Variants in RLF observed in about 807,000 individuals in gnomAD.
The protein encoded by RLF is RLF zinc finger, also known as zinc finger protein Rlf.
Under a neutral mutation model 162.9 loss-of-function variants are expected in RLF, and 7 were observed. That is an observed-to-expected ratio of 0.04 (90% confidence interval 0.02 to 0.08). The LOEUF is 0.08. RLF is among the 10% of genes least tolerant of loss of function. The pLI, the probability that RLF is intolerant of heterozygous loss-of-function variation, is 1.00. For missense variants in RLF, 1,664 were observed against 2,244.7 expected (o/e 0.74, Z 5.23); for synonymous variants, 782 against 791.5 (o/e 0.99, Z 0.20).
chr1:40,218,731 A>G (rs1235350631), intron 5 of RLF, among the ~76,000 whole-genome samples: 1 of 151,372 alleles, frequency 6.6e-6, no homozygotes, highest in Non-Finnish European at 1.5e-5. Flanking sequence ...TTTATTCTTC[A>G]TGTTATTTAT....
At chr1:40,225,138 A>G (rs890493457) in intron 6 of RLF, among the ~76,000 whole-genome samples, 2 of 152,196 alleles carry the variant, frequency 1.3e-5, no homozygotes, top group Non-Finnish European at 1.5e-5. Context: ...TAAGAGAGAT[A>G]TCAGTATTTT....
At chr1:40,186,589 A>AT (rs1399692206) in intron 1 of RLF, among the ~76,000 whole-genome samples, 1 of 152,142 alleles carries the variant, frequency 6.6e-6, no homozygotes, top group Non-Finnish European at 1.5e-5. Context: ...CCCCATCTGT[A>AT]TGCACTCTGT....
chr1:40,168,993 CA>C (rs923670503), intron 1 of RLF, among the ~76,000 whole-genome samples: 5 of 151,148 alleles, frequency 3.3e-5, no homozygotes, highest in East Asian at 1.9e-4. Flanking sequence ...AACTCCGTCT[CA>C]AAAAAAATAA....
intron 1 of RLF, among the ~76,000 whole-genome samples, chr1:40,179,021 G>A (rs1161418505): frequency 6.6e-6 from 1 of 151,400 alleles, no homozygotes; most frequent in East Asian, 1.9e-4. Context: ...TTTTAATAGA[G>A]ACAGCATTTC....
intron 4 of RLF, among the ~76,000 whole-genome samples, chr1:40,201,759 A>G (rs980133444): frequency 1.3e-5 from 2 of 152,100 alleles, no homozygotes; most frequent in African/African-American, 4.8e-5. Context: ...AGCATTTTCC[A>G]AAGTGTGTAC....
Position 40,161,738 on chromosome 1 carries a change from C to T in RLF, c.237+102C>T, listed in dbSNP as rs1642088275. ...GCCGGGTCCAAACTGAAAGGCGCCA[C>T]CTCCGTGACTCGCCGCGCCCCCGGG... On this transcript the variant is annotated intron_variant, in intron 1 of 7. Transcript: ENST00000372771. The surrounding 1 kb of genome is among the most constrained non-coding windows in gnomAD (Gnocchi z 4.4). The T allele has an allele frequency of 4.1e-6, 6 of 1,457,526 alleles. No individual in the cohort carries two copies. In the Admixed American group the frequency reaches 8.2e-5, roughly 20 times the overall value. The allele number at this position is 1,457,526 out of a possible 1,614,324, so 90.3% of individuals were successfully genotyped here.
At chr1:40,167,802 A>C (rs1366713031) in intron 1 of RLF, among the ~76,000 whole-genome samples, 1 of 151,256 alleles carries the variant, frequency 6.6e-6, no homozygotes, top group Non-Finnish European at 1.5e-5. Flanking sequence ...CCTAGTGCCT[A>C]GTCTCTAAAA....
chr1:40,200,907 C>G (rs1051146101), intron 4 of RLF, among the ~76,000 whole-genome samples: 2 of 132,816 alleles, frequency 1.5e-5, no homozygotes, highest in South Asian at 2.6e-4. Flanking sequence ...CACACACACA[C>G]ACACACACAC....
chr1:40,223,192 A>C (rs1337477946), intron 6 of RLF, among the ~76,000 whole-genome samples: 2 of 152,182 alleles, frequency 1.3e-5, no homozygotes, highest in Non-Finnish European at 2.9e-5. Context: ...TTTTGGTTTT[A>C]ATTCAATTTA....
At chr1:40,184,736 A>G (rs1642449898) in intron 1 of RLF, among the ~76,000 whole-genome samples, 1 of 152,164 alleles carries the variant, frequency 6.6e-6, no homozygotes, top group African/African-American at 2.4e-5. Context: ...ACCCCTTAGT[A>G]TATATCATAG....
At chr1:40,215,176 A>G (rs1642909919) in intron 5 of RLF, among the ~76,000 whole-genome samples, 1 of 152,136 alleles carries the variant, frequency 6.6e-6, no homozygotes, top group Admixed American at 6.5e-5. Context: ...AGGCAAATGG[A>G]CAATTCAAAC....
At chr1:40,178,365 G>A (rs1236724852) in intron 1 of RLF, among the ~76,000 whole-genome samples, 1 of 151,942 alleles carries the variant, frequency 6.6e-6, no homozygotes, top group Admixed American at 6.6e-5. Flanking sequence ...CATAGAGACA[G>A]GAAATAGAAT....
intron 1 of RLF, among the ~76,000 whole-genome samples, chr1:40,165,921 C>T (rs957360383): frequency 1.3e-5 from 2 of 152,190 alleles, no homozygotes; most frequent in African/African-American, 2.4e-5. Flanking sequence ...CCACTGTGTC[C>T]ATTTCTCACT....
chr1:40,200,716 T>C (rs1337116890), intron 4 of RLF, among the ~76,000 whole-genome samples: 1 of 151,782 alleles, frequency 6.6e-6, no homozygotes, highest in Non-Finnish European at 1.5e-5. Context: ...AAACTTTAAC[T>C]GTATAGCTTT....
chr1:40,182,256 A>C (rs533929663), intron 1 of RLF, among the ~76,000 whole-genome samples: 30 of 151,978 alleles, frequency 2.0e-4, no homozygotes, highest in African/African-American at 6.0e-4. Flanking sequence ...ACATGGTGAA[A>C]CCCCCGTCTC....
chr1:40,230,345 ATTAT>A (rs1461760901), intron 6 of RLF, among the ~76,000 whole-genome samples: 11 of 152,304 alleles, frequency 7.2e-5, no homozygotes, highest in South Asian at 6.2e-4. Context: ...TTAAATGAAA[ATTAT>A]TTAATCAGTA....
chr1:40,184,760 G>A (rs1642451269), intron 1 of RLF, among the ~76,000 whole-genome samples: 1 of 152,136 alleles, frequency 6.6e-6, no homozygotes, highest in Non-Finnish European at 1.5e-5. Flanking sequence ...TTCAAGGGCA[G>A]GAATAGAGTC....
At chr1:40,162,026 G>A (rs1466844795) in intron 1 of RLF, among the ~76,000 whole-genome samples, 2 of 152,010 alleles carry the variant, frequency 1.3e-5, no homozygotes, top group Non-Finnish European at 1.5e-5. Context: ...TGGTAAACCC[G>A]GGTTTTTCTG....
In RLF at chr1:40,222,619, C is replaced by G; in HGVS notation, c.856C>G (p.Leu286Val). The part of the protein sequence containing the change: ...CKEVLDIICN[L>V]ESEGQDNTAF... ...GGAAGTACTAGACATCATTTGTAAT[C>G]TGGAATCTGAGGGGCAGGATAACAC... The change falls in exon 6 of 8, where the codon CTG (leucine) becomes GTG (valine). Residue 286 changes from leucine (L) to valine (V), a missense_variant. By Grantham distance (32) the Leu-to-Val change is conservative. Transcript: ENST00000372771. The G allele has an allele frequency of 6.2e-7, 1 of 1,613,538 alleles. No homozygotes were observed. Among genetic ancestry groups the G allele is most frequent in the East Asian group, 2.2e-5 (1 of 44,816 alleles).
Sources: allele counts gnomAD v4.1 joint callset (sites outside exome capture counted in the v4.1 genomes callset), GRCh38; gene constraint gnomAD v4.1.1; non-coding constraint Gnocchi (gnomAD v3.1); transcripts MANE v1.5; gene names NCBI Gene and HGNC (gene_info 2026-07-23, HGNC 2026-07-21).